The following GPR176 variants were observed in gnomAD, a reference collection of about 807,000 sequenced individuals.
GPR176 encodes the protein G-protein coupled receptor 176.
A neutral mutation model predicts 35.4 loss-of-function variants in GPR176; 26 were observed. The ratio of observed to expected loss-of-function variants is 0.74; its 90% confidence interval spans 0.54 to 1.02. The LOEUF is 1.02. Ranked by LOEUF, GPR176 falls within the 50% of genes least tolerant of loss-of-function variation. The probability of loss-of-function intolerance (pLI) is 0.00; values close to 1 mark genes in which losing one functional copy is unlikely to be tolerated. For synonymous variants in GPR176, 278 were observed against 271.3 expected (o/e 1.02, Z -0.24); for missense variants, 597 against 665.3 (o/e 0.90, Z 1.13).
intron 1 of GPR176, among the ~76,000 whole-genome samples, chr15:39,895,763 C>T (rs992860754): frequency 1.1e-4 from 17 of 152,126 alleles, no homozygotes; most frequent in Admixed American, 1.0e-3. Flanking sequence ...ATTTGCCAGT[C>T]GCTGAGCTAG....
chr15:39,822,328 TCTTA>T (rs1039035337), intron 1 of GPR176, among the ~76,000 whole-genome samples: 2 of 152,254 alleles, frequency 1.3e-5, no homozygotes, highest in African/African-American at 4.8e-5. Context: ...TTGCATAGAC[TCTTA>T]CTTCTTTCAT....
At chr15:39,886,968 C>T (rs1333815437) in intron 1 of GPR176, among the ~76,000 whole-genome samples, 1 of 152,200 alleles carries the variant, frequency 6.6e-6, no homozygotes, top group African/African-American at 2.4e-5. Flanking sequence ...ATGGGCCATA[C>T]GTTGGGACCC....
rs563920734 is a variant in GPR176, at chr15:39,863,384, AAATAG to A, written c.173-56131_173-56127del. Among the ~76,000 whole-genome samples the A allele has an allele frequency of 3.9e-3, 596 of 151,846 alleles. 6 individuals carry two copies. The highest frequency in any genetic ancestry group is 0.034 in the Middle Eastern group (10 of 294). On this transcript the variant is annotated intron_variant, in intron 1 of 2. Transcript: ENST00000561100. ...TTTTTAAAATAATTTTTTCTATTTAAAATAGAATATAGAATAACGATATAAAGAAA... is the reference window on the plus strand; with the variant it reads ...TTTTTAAAATAATTTTTTCTATTTAAAATATAGAATAACGATATAAAGAAA...
Position 39,817,826 on chromosome 15 carries a change from G to A in GPR176, c.173-10568C>T, listed in dbSNP as rs146881260. Among the ~76,000 whole-genome samples, 241 of 152,332 alleles carry A rather than the reference G, an allele frequency of 1.6e-3. 6 individuals are homozygous for A. In the East Asian group the frequency reaches 0.04, roughly 25 times the overall value. On this transcript the variant is annotated intron_variant, in intron 1 of 2. Transcript: ENST00000561100. ...AGCTCTGTGGAGCAGGGAGTATGAC[G>A]GCGGGTGGGGAACCAACATTAAACA...
chr15:39,874,567 CA>C (rs1467379014), intron 1 of GPR176, among the ~76,000 whole-genome samples: 1 of 152,174 alleles, frequency 6.6e-6, no homozygotes, highest in Non-Finnish European at 1.5e-5. Context: ...CATTCAGAAA[CA>C]ATCTGGTGTC....
At chr15:39,852,713 C>T (rs1432204912) in intron 1 of GPR176, among the ~76,000 whole-genome samples, 1 of 152,112 alleles carries the variant, frequency 6.6e-6, no homozygotes, top group African/African-American at 2.4e-5. Flanking sequence ...TGAATATCAG[C>T]TCAAAACTAT....
intron 1 of GPR176, among the ~76,000 whole-genome samples, chr15:39,810,417 G>T (rs1198378164): frequency 6.6e-6 from 1 of 152,190 alleles, no homozygotes; most frequent in East Asian, 1.9e-4. Context: ...TTTTGCCTCT[G>T]CAAAATTTTA....
chr15:39,854,829 T>C (rs1354169830), intron 1 of GPR176, among the ~76,000 whole-genome samples: 1 of 151,874 alleles, frequency 6.6e-6, no homozygotes, highest in African/African-American at 2.4e-5. Flanking sequence ...TTGAGGCCAA[T>C]AGTTCAAGAC....
At chr15:39,901,794 C>T (rs530272613) in intron 1 of GPR176, among the ~76,000 whole-genome samples, 5 of 152,166 alleles carry the variant, frequency 3.3e-5, no homozygotes, top group African/African-American at 1.2e-4. Flanking sequence ...AGACTCCAGG[C>T]CTGGCACGGT....
Position 39,863,811 on chromosome 15 carries a change from G to A in GPR176, c.172+56044C>T, listed in dbSNP as rs1490579770. On this transcript the variant is annotated intron_variant, in intron 1 of 2. Coordinates refer to ENST00000561100, the MANE Select transcript of GPR176 (RefSeq NM_007223.3). Reference sequence around the variant, plus strand: ...TGTAATAATCTAGCCTAGGTACGTAGCAGGCTGTACCATCTAGGTTTTTTA... The same window carrying A: ...TGTAATAATCTAGCCTAGGTACGTAACAGGCTGTACCATCTAGGTTTTTTA... Among the ~76,000 whole-genome samples the A allele has an allele frequency of 2.0e-5, 3 of 152,306 alleles. No homozygotes were observed. In the South Asian group the frequency reaches 6.2e-4, roughly 32 times the overall value.
At chr15:39,886,523 G>A (rs946882812) in intron 1 of GPR176, among the ~76,000 whole-genome samples, 1 of 152,072 alleles carries the variant, frequency 6.6e-6, no homozygotes, top group African/African-American at 2.4e-5. Context: ...GGGCCAAATG[G>A]TCTGAAACAT....
intron 1 of GPR176, among the ~76,000 whole-genome samples, chr15:39,811,903 G>C (rs756124305): frequency 2.7e-5 from 4 of 148,760 alleles, no homozygotes; most frequent in East Asian, 2.0e-4. Flanking sequence ...GTGACAGAGC[G>C]AGACTCCGTC....
At chr15:39,828,806 G>A (rs1900862346) in intron 1 of GPR176, among the ~76,000 whole-genome samples, 1 of 152,126 alleles carries the variant, frequency 6.6e-6, no homozygotes, top group Middle Eastern at 3.2e-3. Context: ...TGAACTTCAG[G>A]GCAGAGGCTC....
At chr15:39,916,050 G>A (rs931640092) in intron 1 of GPR176, among the ~76,000 whole-genome samples, 1 of 152,176 alleles carries the variant, frequency 6.6e-6, no homozygotes, top group Non-Finnish European at 1.5e-5. Context: ...GAGCTCAGAG[G>A]TAATAGGCTA....
At chr15:39,828,556 G>C (rs1421482330) in intron 1 of GPR176, among the ~76,000 whole-genome samples, 1 of 152,210 alleles carries the variant, frequency 6.6e-6, no homozygotes, top group Non-Finnish European at 1.5e-5. Context: ...CAAAGAATCA[G>C]CATCACTGGC....
chr15:39,888,065 C>T (rs911892754), intron 1 of GPR176, among the ~76,000 whole-genome samples: 1 of 152,176 alleles, frequency 6.6e-6, no homozygotes, highest in Non-Finnish European at 1.5e-5. Flanking sequence ...CAGTTTGCCA[C>T]GCCTAGAGAC....
intron 1 of GPR176, among the ~76,000 whole-genome samples, chr15:39,829,704 A>G (rs1402479032): frequency 6.6e-6 from 1 of 152,100 alleles, no homozygotes; most frequent in African/African-American, 2.4e-5. Context: ...TCGCAACCTC[A>G]AGGCCAACAT....
intron 1 of GPR176, among the ~76,000 whole-genome samples, chr15:39,812,954 C>T (rs967003689): frequency 3.3e-5 from 5 of 151,906 alleles, no homozygotes; most frequent in African/African-American, 1.2e-4. Flanking sequence ...AGGCTTGTCT[C>T]GAACTCCTGG....
chr15:39,888,898 G>A (rs899252092), intron 1 of GPR176, among the ~76,000 whole-genome samples: 3 of 152,170 alleles, frequency 2.0e-5, no homozygotes, highest in South Asian at 2.1e-4. Flanking sequence ...TTAGTTAGGG[G>A]ACTGGAACTC....
Sources: allele counts gnomAD v4.1 joint callset (sites outside exome capture counted in the v4.1 genomes callset), GRCh38; gene constraint gnomAD v4.1.1; transcripts MANE v1.5; gene names NCBI Gene and HGNC (gene_info 2026-07-23, HGNC 2026-07-21).